The following RAB20 variants were observed in gnomAD, a reference collection of about 807,000 sequenced individuals.
The protein encoded by RAB20 is ras-related protein Rab-20.
RAB20 carries 2 observed loss-of-function variants against 3.7 expected under a neutral mutation model. The observed-to-expected ratio is 0.54, with a 90% CI of 0.22 to 1.69. RAB20 has a LOEUF of 1.69. Among genes scored for constraint, RAB20 ranks in the 40% most tolerant of loss-of-function variants. The probability of loss-of-function intolerance (pLI) is 0.19; values close to 1 mark genes in which losing one functional copy is unlikely to be tolerated. For synonymous variants in RAB20, 126 were observed against 130.8 expected (o/e 0.96, Z 0.25); for missense variants, 276 against 311.9 (o/e 0.88, Z 0.87).
intron 1 of RAB20, among the ~76,000 whole-genome samples, chr13:110,541,072 C>T (rs150259102): frequency 1.3e-3 from 197 of 152,314 alleles, no homozygotes; most frequent in African/African-American, 4.2e-3. Context: ...GAGGAGGAGA[C>T]GGCCACGCTT....
rs554499064 is a variant in RAB20 at position 110,523,340 on chromosome 13, G to T, written c.*325C>A. 2.2e-5 allele frequency: 11 copies of T among 511,096 alleles called. No individual in the cohort carries two copies. The highest frequency in any genetic ancestry group is 3.7e-5 in the Non-Finnish European group (11 of 295,076). 31.7% of individuals were successfully genotyped at this position (511,096 alleles called of 1,614,324 possible). A position where few individuals can be genotyped will look rare whatever the true frequency, so the allele number is the denominator to read the frequency against. On this transcript the variant is annotated 3_prime_UTR_variant, in exon 2 of 2. Transcript: ENST00000267328. ...GGTGCAGACGCAGGCTTCTGCCTCT[G>T]CAAGGGCAAGGGGGCCGTTGGTGGC... is the stretch of plus-strand genomic sequence containing the variant.
chr13:110,523,598 G>C lies in RAB20; in HGVS notation c.*67C>G, dbSNP rs1884371152. The C allele has an allele frequency of 1.3e-6, 2 of 1,559,718 alleles. No homozygotes were observed. Among genetic ancestry groups the C allele is most frequent in the South Asian group, 2.4e-5 (2 of 82,476 alleles). ...TCCTTGCTGTTCCTTGCTCCTTTCA[G>C]ATCACAGCTTGCCTGGTCAGACCCC... is the stretch of plus-strand genomic sequence containing the variant. On this transcript the variant is annotated 3_prime_UTR_variant, in exon 2 of 2. Transcript: ENST00000267328.
chr13:110,536,713 C>CTT lies in RAB20; in HGVS notation c.173-12518_173-12517dup, dbSNP rs11420274. On this transcript the variant is annotated intron_variant, in intron 1 of 1. Transcript: ENST00000267328. ...ACATGCACAGGAATATCTAAAATGG[C>CTT]TTTTTTTTGGGGCGGTGGGGGGGGG... Among the ~76,000 whole-genome samples the CTT allele has an allele frequency of 3.8e-3, 104 of 27,102 alleles. 17 individuals are homozygous for CTT. The South Asian group carries it at 0.039, about 10-fold the overall frequency. The allele number at this position is 27,102 out of a possible 152,430, so 17.8% of individuals were successfully genotyped here.
intron 1 of RAB20, among the ~76,000 whole-genome samples, chr13:110,537,235 AGTCCTCCCACATT>A (rs1884662614): frequency 6.6e-6 from 1 of 151,608 alleles, no homozygotes; most frequent in East Asian, 1.9e-4. Flanking sequence ...GCGCTCAAGC[AGTCCTCCCACATT>A]GGCCTCCCAC....
At chr13:110,526,218 G>A (rs1464889013) in intron 1 of RAB20, among the ~76,000 whole-genome samples, 3 of 152,204 alleles carry the variant, frequency 2.0e-5, no homozygotes, top group African/African-American at 7.2e-5. Flanking sequence ...CCACTCTCGA[G>A]CTCAGAACGC....
At chr13:110,528,390 TGG>T (rs1884469310) in intron 1 of RAB20, among the ~76,000 whole-genome samples, 1 of 127,630 alleles carries the variant, frequency 7.8e-6, no homozygotes, top group Non-Finnish European at 1.6e-5. Flanking sequence ...CACTCCAGCC[TGG>T]GCAAGAGTGA....
At position 110,561,379 on chromosome 13, in the gene RAB20, G is replaced by A. The variant is rs1378864415; in HGVS notation, c.141C>T (p.Arg47=). The change falls in exon 1 of 2, where the codon CGC becomes CGT. Residue 47 remains arginine, a synonymous_variant. Transcript: ENST00000267328. ...TGTCCCAGATGGAGATGTTGTAGGA[G>A]CGCCACTGCTTCAGGTAGAAGGCGC... is the stretch of plus-strand genomic sequence containing the variant. ...VGGAFYLKQW[R]SYNISIWDTA... 1 of 1,609,094 alleles carries A rather than the reference G, an allele frequency of 6.2e-7. No homozygotes were observed. The highest frequency in any genetic ancestry group is 1.1e-5 in the South Asian group (1 of 90,872).
intron 1 of RAB20, among the ~76,000 whole-genome samples, chr13:110,559,451 CCT>C (rs1450562161): frequency 3.3e-5 from 5 of 152,180 alleles, no homozygotes; most frequent in Non-Finnish European, 2.9e-5. Context: ...TCTGTTCCTA[CCT>C]CTCTTTTCCC....
intron 1 of RAB20, among the ~76,000 whole-genome samples, chr13:110,538,610 AAAAAAAAAGAAAGAAAAG>A: frequency 8.7e-6 from 1 of 115,582 alleles, no homozygotes; most frequent in Middle Eastern, 3.8e-3. Context: ...AAAAAAAAAA[AAAAAAAAAGAAAGAAAAG>A]AAAAGAAAAG....
intron 1 of RAB20, among the ~76,000 whole-genome samples, chr13:110,524,980 T>C (rs1427931170): frequency 6.6e-6 from 1 of 152,162 alleles, no homozygotes; most frequent in Non-Finnish European, 1.5e-5. Context: ...CCCAAAACAT[T>C]TCCAGGTTGA....
chr13:110,525,891 G>A (rs1884421237), intron 1 of RAB20, among the ~76,000 whole-genome samples: 1 of 152,216 alleles, frequency 6.6e-6, no homozygotes, highest in South Asian at 2.1e-4. Flanking sequence ...CCTCCCTGCT[G>A]GCAGGAAGGG....
Position 110,523,354 on chromosome 13 carries a change from G to T in RAB20, c.*311C>A. On this transcript the variant is annotated 3_prime_UTR_variant, in exon 2 of 2. Coordinates refer to ENST00000267328, the MANE Select transcript of RAB20 (RefSeq NM_017817.3). Reference sequence around the variant, plus strand: ...CTTCTGCCTCTGCAAGGGCAAGGGGGCCGTTGGTGGCTGGCTGCAAAGGAC... The same window carrying T: ...CTTCTGCCTCTGCAAGGGCAAGGGGTCCGTTGGTGGCTGGCTGCAAAGGAC... The T allele has an allele frequency of 1.9e-6, 1 of 526,650 alleles. No individual in the cohort carries two copies. The highest frequency in any genetic ancestry group is 3.3e-6 in the Non-Finnish European group (1 of 305,744). The allele number at this position is 526,650 out of a possible 1,614,324, so 32.6% of individuals were successfully genotyped here. A position where few individuals can be genotyped will look rare whatever the true frequency, so the allele number is the denominator to read the frequency against.
chr13:110,535,370 A>G (rs761383266), intron 1 of RAB20, among the ~76,000 whole-genome samples: 4 of 152,070 alleles, frequency 2.6e-5, no homozygotes, highest in Non-Finnish European at 5.9e-5. Context: ...CACAGCAGAC[A>G]CTCACGGGCT....
At chr13:110,545,585 C>T (rs553013845) in intron 1 of RAB20, among the ~76,000 whole-genome samples, 2 of 152,280 alleles carry the variant, frequency 1.3e-5, no homozygotes, top group East Asian at 3.9e-4. Context: ...ACTGAGTGTT[C>T]ACTCTACACA....
chr13:110,556,566 C>G (rs1885042466), intron 1 of RAB20, among the ~76,000 whole-genome samples: 1 of 152,174 alleles, frequency 6.6e-6, no homozygotes, highest in Non-Finnish European at 1.5e-5. Flanking sequence ...CAGGGTCTTA[C>G]TCTGTTGCCC....
chr13:110,540,001 A>G (rs1462077653), intron 1 of RAB20, among the ~76,000 whole-genome samples: 3 of 152,238 alleles, frequency 2.0e-5, no homozygotes, highest in Admixed American at 1.3e-4. Flanking sequence ...GAGTAGTTCC[A>G]CCTGTGGCCC....
At chr13:110,560,219 T>C (rs1205883915) in intron 1 of RAB20, among the ~76,000 whole-genome samples, 8 of 152,080 alleles carry the variant, frequency 5.3e-5, no homozygotes. Flanking sequence ...ATCAGGGAAA[T>C]GCACCTCTTT....
rs34747488 is a variant in RAB20 at position 110,523,506 on chromosome 13, TC to T, written c.*158del. On this transcript the variant is annotated 3_prime_UTR_variant, in exon 2 of 2. Coordinates refer to ENST00000267328, the MANE Select transcript of RAB20 (RefSeq NM_017817.3). ...ACTGAGGAGACCACACACGTTGACCTCCTCTTCATAGCCAGCCATCATTTCC... is the reference window on the plus strand; with the variant it reads ...ACTGAGGAGACCACACACGTTGACCTCTCTTCATAGCCAGCCATCATTTCC... 0.08 allele frequency: 106,655 copies of T among 1,336,172 alleles called. 4,551 individuals are homozygous for T. The highest frequency in any genetic ancestry group is 0.12 in the Middle Eastern group (461 of 3,830). The allele number at this position is 1,336,172 out of a possible 1,614,324, so 82.8% of individuals were successfully genotyped here. A position where few individuals can be genotyped will look rare whatever the true frequency, so the allele number is the denominator to read the frequency against.
intron 1 of RAB20, among the ~76,000 whole-genome samples, chr13:110,543,408 T>C (rs953032630): frequency 6.6e-6 from 1 of 152,166 alleles, no homozygotes; most frequent in Non-Finnish European, 1.5e-5. Flanking sequence ...GCTGGGATTA[T>C]AGGTGAGAGC....
Sources: allele counts gnomAD v4.1 joint callset (sites outside exome capture counted in the v4.1 genomes callset), GRCh38; gene constraint gnomAD v4.1.1; transcripts MANE v1.5; gene names NCBI Gene and HGNC (gene_info 2026-07-23, HGNC 2026-07-21).